The following AP3S2 variants were observed in gnomAD, a reference collection of about 807,000 sequenced individuals.
The protein encoded by AP3S2 is AP-3 complex subunit sigma-2.
A neutral mutation model predicts 23.4 loss-of-function variants in AP3S2; 22 were observed. That is an observed-to-expected ratio of 0.94 (90% CI 0.67 to 1.34). AP3S2 has a LOEUF of 1.34. Among genes scored for constraint, AP3S2 ranks in the 40% most tolerant of loss-of-function variants. The probability of loss-of-function intolerance (pLI) is 0.00; values close to 1 mark genes in which losing one functional copy is unlikely to be tolerated. For missense variants in AP3S2, 241 were observed against 236.9 expected (o/e 1.02, Z -0.11); for synonymous variants, 86 against 87.1 (o/e 0.99, Z 0.07).
intron 4 of AP3S2, among the ~76,000 whole-genome samples, chr15:89,839,316 G>C (rs1246533013): frequency 6.6e-6 from 1 of 152,230 alleles, no homozygotes; most frequent in South Asian, 2.1e-4. Flanking sequence ...CTTGAGGACA[G>C]AGTATAATAA....
intron 3 of AP3S2, among the ~76,000 whole-genome samples, chr15:89,885,507 C>A (rs1422144229): frequency 1.3e-5 from 2 of 152,194 alleles, no homozygotes; most frequent in Non-Finnish European, 1.5e-5. Context: ...CAGGCCAGAG[C>A]AGTTATTTTT....
At chr15:89,837,997 A>G in intron 4 of AP3S2, 2 of 372,204 alleles carry the variant, frequency 5.4e-6, no homozygotes, top group Non-Finnish European at 5.0e-6. Context: ...TGGCTCTGCT[A>G]CTTGCTAGCT....
intron 4 of AP3S2, chr15:89,852,392 C>T (rs1373983031): frequency 6.6e-6 from 1 of 152,210 alleles, no homozygotes; most frequent in Non-Finnish European, 1.5e-5. Flanking sequence ...TGTTCTTTGG[C>T]TCCTGCAACA....
In AP3S2 at chr15:89,835,217, G is replaced by T; in HGVS notation, c.*298C>A. On this transcript the variant is annotated 3_prime_UTR_variant, in exon 6 of 6. Coordinates refer to ENST00000336418, the MANE Select transcript of AP3S2 (RefSeq NM_005829.5). The stretch of plus-strand genomic sequence containing the variant: ...TGGGAGCATCCATGTGAGAGGTAAA[G>T]GTGCAAATGACTTGGGCATGTTGAC... 2.1e-6 allele frequency: 1 copy of T among 483,290 alleles called. No homozygotes were observed. The highest frequency in any genetic ancestry group is 4.0e-5 in the South Asian group (1 of 25,018). The allele number at this position is 483,290 out of a possible 1,614,324, so 29.9% of individuals were successfully genotyped here.
At chr15:89,877,346 C>A in intron 3 of AP3S2, 1 of 1,301,696 alleles carries the variant, frequency 7.7e-7, no homozygotes, top group Non-Finnish European at 1.0e-6. Context: ...GTTCTGATGT[C>A]AGGTCCTTGT....
At chr15:89,884,927 G>A (rs1185960411) in intron 3 of AP3S2, among the ~76,000 whole-genome samples, 3 of 152,144 alleles carry the variant, frequency 2.0e-5, no homozygotes, top group African/African-American at 7.2e-5. Flanking sequence ...GATCACAGGC[G>A]TGAGCCGCTG....
intron 3 of AP3S2, among the ~76,000 whole-genome samples, chr15:89,884,848 C>T (rs1896657686): frequency 6.6e-6 from 1 of 152,076 alleles, no homozygotes; most frequent in Admixed American, 6.6e-5. Flanking sequence ...CAAGGTTTCA[C>T]CATATTGGCC....
chr15:89,890,557 G>A (rs1310169591), intron 1 of AP3S2, among the ~76,000 whole-genome samples: 1 of 152,186 alleles, frequency 6.6e-6, no homozygotes, highest in Non-Finnish European at 1.5e-5. Context: ...TGAATCAGCT[G>A]TGAATGCTGT....
intron 4 of AP3S2, among the ~76,000 whole-genome samples, chr15:89,842,282 G>A (rs2141838994): frequency 6.6e-6 from 1 of 152,272 alleles, no homozygotes; most frequent in Non-Finnish European, 1.5e-5. Flanking sequence ...TGTAATATTT[G>A]CATAAAAGAA....
In AP3S2 at chr15:89,878,254, T is replaced by C. The variant is rs1213934296; in HGVS notation, c.274-6708A>G. On this transcript the variant is annotated intron_variant, in intron 3 of 5. Coordinates refer to ENST00000336418, the MANE Select transcript of AP3S2 (RefSeq NM_005829.5). ...AAACAACAGCAAAACTGTAGGAGAA[T>C]ATTTTCATACCTTGGGAGCTATGAA... The C allele has an allele frequency of 4.6e-6, 3 of 649,140 alleles. No homozygotes were observed. The African/African-American group carries it at 5.6e-5, about 12-fold the overall frequency. 40.2% of individuals were successfully genotyped at this position (649,140 alleles called of 1,614,324 possible).
intron 3 of AP3S2, among the ~76,000 whole-genome samples, chr15:89,884,968 G>A (rs978552600): frequency 6.6e-6 from 1 of 152,038 alleles, no homozygotes; most frequent in African/African-American, 2.4e-5. Flanking sequence ...TTAGAGTCAG[G>A]TTTTTGGATG....
At chr15:89,860,068 C>T (rs955829400) in intron 4 of AP3S2, among the ~76,000 whole-genome samples, 5 of 152,104 alleles carry the variant, frequency 3.3e-5, no homozygotes, top group Non-Finnish European at 4.4e-5. Context: ...ACCAGCCGAT[C>T]TCTGTCTTTA....
chr15:89,873,876 C>CTTTTT (rs3055916), intron 3 of AP3S2, among the ~76,000 whole-genome samples: 7 of 76,846 alleles, frequency 9.1e-5, no homozygotes, highest in Non-Finnish European at 1.4e-4. Flanking sequence ...TTCTCTGTGG[C>CTTTTT]TTTTTTTTTT....
rs550904021 is a variant in AP3S2 at position 89,877,677 on chromosome 15, C to T, written c.274-6131G>A. On this transcript the variant is annotated intron_variant, in intron 3 of 5. Transcript: ENST00000336418. Reference sequence around the variant, plus strand: ...CAGCCTGAGCAACATGGTGAAAACCCCCAGCTACTCAGGTGGCTGAGGCAC... The same window carrying T: ...CAGCCTGAGCAACATGGTGAAAACCTCCAGCTACTCAGGTGGCTGAGGCAC... Among the ~76,000 whole-genome samples the T allele has an allele frequency of 4.6e-5, 7 of 152,106 alleles. No individual in the cohort carries two copies. In the South Asian group the frequency reaches 1.5e-3, roughly 32 times the overall value.
chr15:89,888,747 A>C, intron 2 of AP3S2, 115 bp from the exon 3 acceptor site: 1 of 1,169,348 alleles, frequency 8.6e-7, no homozygotes, highest in South Asian at 1.5e-5. Flanking sequence ...CAAACGCTAG[A>C]AGCAGGCCAT....
rs138532156 is a variant in AP3S2, at chr15:89,870,893, C to T, written c.345+582G>A. On this transcript the variant is annotated intron_variant, in intron 4 of 5. Transcript: ENST00000336418. ...TGGCTATTGCCCAAGTTTAATTTGG[C>T]ATATGAGGACATAGGCCATGTCACA... is the stretch of plus-strand genomic sequence containing the variant. Among the ~76,000 whole-genome samples, 260 of 152,338 alleles carry T rather than the reference C, an allele frequency of 1.7e-3. 1 individual carries two copies. The highest frequency in any genetic ancestry group is 6.0e-3 in the African/African-American group (251 of 41,574).
chr15:89,856,438 C>T (rs182338790), intron 4 of AP3S2, among the ~76,000 whole-genome samples: 13 of 152,080 alleles, frequency 8.5e-5, no homozygotes, highest in African/African-American at 3.1e-4. Context: ...TGGTGGCTCA[C>T]GCCTGTAATC....
chr15:89,843,125 C>T (rs1054440273), intron 4 of AP3S2, among the ~76,000 whole-genome samples: 1 of 151,426 alleles, frequency 6.6e-6, no homozygotes, highest in African/African-American at 2.4e-5. Flanking sequence ...GCTGGGATTA[C>T]AGGCATGTGC....
Position 89,878,141 on chromosome 15 carries a change from T to C in AP3S2, c.274-6595A>G, listed in dbSNP as rs1896486545. The C allele has an allele frequency of 5.9e-6, 3 of 512,790 alleles. No homozygotes were observed. The East Asian group carries it at 9.9e-5, about 17-fold the overall frequency. The allele number at this position is 512,790 out of a possible 1,614,324, so 31.8% of individuals were successfully genotyped here. A position where few individuals can be genotyped will look rare whatever the true frequency, so the allele number is the denominator to read the frequency against. ...AAAATAAATGTTATGCAGATGTTCG[T>C]TAGAAGATCTTGCCACTGGTACATA... On this transcript the variant is annotated intron_variant, in intron 3 of 5. Coordinates refer to ENST00000336418, the MANE Select transcript of AP3S2 (RefSeq NM_005829.5).
Sources: gnomAD v4.1 joint callset for allele counts (sites outside exome capture counted in the v4.1 genomes callset) on GRCh38, gnomAD v4.1.1 for gene constraint, MANE v1.5 for transcripts, NCBI Gene and HGNC (gene_info 2026-07-23, HGNC 2026-07-21) for gene names.